The following NAALADL2 variants were observed in gnomAD, a reference collection of about 807,000 sequenced individuals.
The protein encoded by NAALADL2 is N-acetylated alpha-linked acidic dipeptidase like 2.
In NAALADL2, 76 loss-of-function variants were observed where a neutral mutation model predicts 87.2. The ratio of observed to expected loss-of-function variants is 0.87; its 90% CI spans 0.72 to 1.05. The LOEUF is 1.05. NAALADL2 is among the 50% of genes least tolerant of loss of function. The pLI, the probability that NAALADL2 is intolerant of heterozygous loss-of-function variation, is 0.00. For synonymous variants in NAALADL2, 354 were observed against 331.0 expected, an observed-to-expected ratio of 1.07 and a Z score of -0.75; for missense variants, 1,089 against 945.8, an observed-to-expected ratio of 1.15 and a Z score of -1.99.
intron 2 of NAALADL2, among the ~76,000 whole-genome samples, chr3:174,709,625 C>T (rs1034114935): frequency 6.6e-6 from 1 of 151,948 alleles, no homozygotes; most frequent in Admixed American, 6.6e-5. Context: ...TTTCATAAAC[C>T]TAATTTATCA....
At chr3:175,645,315 T>C (rs1201089791) in intron 11 of NAALADL2, among the ~76,000 whole-genome samples, 5 of 152,070 alleles carry the variant, frequency 3.3e-5, no homozygotes, top group African/African-American at 9.7e-5. Flanking sequence ...GGACACAACA[T>C]TGGTTGAAGA....
intron 10 of NAALADL2, among the ~76,000 whole-genome samples, chr3:175,617,918 G>A (rs1014512406): frequency 7.9e-5 from 12 of 152,148 alleles, no homozygotes; most frequent in African/African-American, 2.9e-4. Context: ...ACACCTGAAA[G>A]TGTTTCCTCT....
At chr3:175,694,629 G>T (rs1737495643) in intron 11 of NAALADL2, among the ~76,000 whole-genome samples, 1 of 152,042 alleles carries the variant, frequency 6.6e-6, no homozygotes, top group African/African-American at 2.4e-5. Flanking sequence ...TCTATAATGG[G>T]TTCCTGGAGA....
intron 11 of NAALADL2, among the ~76,000 whole-genome samples, chr3:175,632,539 C>T (rs572928753): frequency 2.4e-4 from 37 of 151,838 alleles, no homozygotes; most frequent in Admixed American, 1.3e-3. Flanking sequence ...AATAATTATA[C>T]GTATTTTGGA....
intron 3 of NAALADL2, among the ~76,000 whole-genome samples, chr3:174,807,914 TA>T (rs1719697626): frequency 7.1e-6 from 1 of 139,890 alleles, no homozygotes; most frequent in South Asian, 2.3e-4. Flanking sequence ...GCAGTGGCAG[TA>T]GTAGAATGTG....
chr3:175,348,593 C>A (rs1763403979), intron 5 of NAALADL2, among the ~76,000 whole-genome samples: 1 of 152,120 alleles, frequency 6.6e-6, no homozygotes, highest in Non-Finnish European at 1.5e-5. Flanking sequence ...CTGCAGTTGT[C>A]AACACTCCGT....
intron 10 of NAALADL2, among the ~76,000 whole-genome samples, chr3:175,586,770 T>C (rs1720595787): frequency 6.6e-6 from 1 of 152,234 alleles, no homozygotes; most frequent in Non-Finnish European, 1.5e-5. Flanking sequence ...ACAAATAATT[T>C]CTAATTAATG....
chr3:175,403,323 G>T (rs1226973638), intron 5 of NAALADL2, among the ~76,000 whole-genome samples: 2 of 151,876 alleles, frequency 1.3e-5, no homozygotes, highest in South Asian at 2.1e-4. Context: ...GAAGTGAATT[G>T]TCCCTTGGAA....
At chr3:175,389,187 G>A (rs537319599) in intron 5 of NAALADL2, among the ~76,000 whole-genome samples, 1 of 152,190 alleles carries the variant, frequency 6.6e-6, no homozygotes, top group East Asian at 1.9e-4. Flanking sequence ...ATTAAAGACA[G>A]TGTACAGTTG....
intron 2 of NAALADL2, among the ~76,000 whole-genome samples, chr3:175,179,125 A>G (rs962068804): frequency 6.6e-6 from 1 of 152,024 alleles, no homozygotes; most frequent in South Asian, 2.1e-4. Context: ...ACGAGAAGTT[A>G]TTTTACTTTC....
intron 2 of NAALADL2, among the ~76,000 whole-genome samples, chr3:175,191,701 T>G (rs1339201073): frequency 6.6e-6 from 1 of 152,184 alleles, no homozygotes; most frequent in Non-Finnish European, 1.5e-5. Flanking sequence ...CGCATTTTGG[T>G]TTTATTTTAT....
chr3:174,626,555 T>C (rs2108681885), intron 2 of NAALADL2, among the ~76,000 whole-genome samples: 1 of 152,210 alleles, frequency 6.6e-6, no homozygotes, highest in East Asian at 1.9e-4. Flanking sequence ...TCCCATTTTA[T>C]TTTTGAAGTA....
At chr3:175,053,119 G>T (rs775927520) in intron 1 of NAALADL2, among the ~76,000 whole-genome samples, 1 of 152,124 alleles carries the variant, frequency 6.6e-6, no homozygotes, top group Non-Finnish European at 1.5e-5. Context: ...TTTGAGGGCG[G>T]TATGCCTCAA....
chr3:175,640,751 A>G (rs564010350), intron 11 of NAALADL2, among the ~76,000 whole-genome samples: 36 of 152,318 alleles, frequency 2.4e-4, no homozygotes, highest in African/African-American at 8.4e-4. Context: ...TATGCATACC[A>G]TGTTCTAATT....
intron 2 of NAALADL2, among the ~76,000 whole-genome samples, chr3:174,681,361 G>A (rs1221353398): frequency 6.6e-6 from 1 of 152,168 alleles, no homozygotes; most frequent in Admixed American, 6.5e-5. Flanking sequence ...GTCAGCTGGG[G>A]TGGCCAAGAG....
At position 174,930,700 on chromosome 3, in the gene NAALADL2, C is replaced by T. The variant is rs370715192; in HGVS notation, c.43+71250C>T. 5.1e-3 allele frequency among the ~76,000 whole-genome samples: 726 copies of T among 142,302 alleles called. 6 individuals are homozygous for T. Among genetic ancestry groups the T allele is most frequent in the African/African-American group, 0.018 (688 of 38,246 alleles). 93.4% of individuals were successfully genotyped at this position (142,302 alleles called of 152,430 possible). A position where few individuals can be genotyped will look rare whatever the true frequency, so the allele number is the denominator to read the frequency against. ...CCAGTGGCGCGATCTCGGCTCACTG[C>T]AAGCTCTGCCTCCCAGGTTCTCACC... On this transcript the variant is annotated intron_variant, in intron 1 of 13. Coordinates refer to ENST00000454872, the MANE Select transcript of NAALADL2 (RefSeq NM_207015.3).
At chr3:175,721,378 G>A (rs1418918707) in intron 11 of NAALADL2, among the ~76,000 whole-genome samples, 2 of 152,064 alleles carry the variant, frequency 1.3e-5, no homozygotes, top group African/African-American at 4.8e-5. Context: ...AAATGTACCT[G>A]TAATTATAAT....
intron 1 of NAALADL2, among the ~76,000 whole-genome samples, chr3:174,922,418 C>T (rs985271751): frequency 4.6e-5 from 7 of 151,772 alleles, no homozygotes; most frequent in Admixed American, 1.3e-4. Context: ...TTTCATATAT[C>T]ACTCAATCTG....
chr3:175,574,611 T>A (rs1232454439), intron 9 of NAALADL2, among the ~76,000 whole-genome samples: 3 of 152,146 alleles, frequency 2.0e-5, no homozygotes, highest in Non-Finnish European at 4.4e-5. Flanking sequence ...AGCAAATGTT[T>A]GTGGAGCTGC....
Sources: allele counts gnomAD v4.1 joint callset (sites outside exome capture counted in the v4.1 genomes callset), GRCh38; gene constraint gnomAD v4.1.1; transcripts MANE v1.5; gene names NCBI Gene and HGNC (gene_info 2026-07-23, HGNC 2026-07-21).